Variants in DMD observed in about 807,000 individuals in gnomAD.
DMD encodes the protein dystrophin.
A neutral mutation model predicts 330.1 loss-of-function variants in DMD; 63 were observed. The ratio of observed to expected loss-of-function variants is 0.19; its 90% CI spans 0.16 to 0.24. DMD has a LOEUF of 0.24. Ranked by LOEUF, DMD falls within the 10% of genes least tolerant of loss-of-function variation. The pLI is 1.00. For synonymous variants in DMD, 1,223 were observed against 959.8 expected (o/e 1.27, Z -5.07); for missense variants, 3,344 against 2,684.1 (o/e 1.25, Z -5.43).
intron 44 of DMD, among the ~76,000 whole-genome samples, chrX:32,172,144 T>C (rs2096889906): frequency 8.9e-6 from 1 of 111,998 alleles, no homozygotes; most frequent in South Asian, 3.7e-4. Flanking sequence ...GGGAATTGTA[T>C]GGTTTCAGAA....
At chrX:31,846,373 C>T (rs1288426384) in intron 48 of DMD, among the ~76,000 whole-genome samples, 10 of 106,698 alleles carry the variant, frequency 9.4e-5, no homozygotes, top group Non-Finnish European at 7.7e-5. Context: ...ACAATGGGAG[C>T]AACTATAACA....
In DMD at chrX:31,928,563, G is replaced by A. The variant is rs767696234; in HGVS notation, c.6912+1033C>T. On this transcript the variant is annotated intron_variant, in intron 47 of 78. Coordinates refer to ENST00000357033, the MANE Select transcript of DMD (RefSeq NM_004006.3). ...GGAAGTTGCAGTGAGCCGAGATCGC[G>A]CCACTGCACTCCAGCCTGAGCGACA... 1.0e-4 allele frequency among the ~76,000 whole-genome samples: 11 copies of A among 109,440 alleles called. No homozygotes were observed. The East Asian group carries it at 1.7e-3, about 17-fold the overall frequency.
intron 44 of DMD, among the ~76,000 whole-genome samples, chrX:31,998,330 G>A (rs2095603587): frequency 9.0e-6 from 1 of 111,586 alleles, no homozygotes; most frequent in South Asian, 3.7e-4. Flanking sequence ...TATTTACACT[G>A]CTTTTCATTC....
At chrX:31,298,882 G>T (rs1415863699) in intron 62 of DMD, among the ~76,000 whole-genome samples, 1 of 112,071 alleles carries the variant, frequency 8.9e-6, no homozygotes, top group Non-Finnish European at 1.9e-5. Flanking sequence ...AGACTTAGAG[G>T]TCTAGTACAG....
intron 1 of DMD, among the ~76,000 whole-genome samples, chrX:33,186,038 T>C (rs1290429159): frequency 1.8e-5 from 2 of 111,605 alleles, no homozygotes; most frequent in African/African-American, 6.5e-5. Context: ...TTTGGGGGCG[T>C]GGGGCCAAAC....
intron 30 of DMD, among the ~76,000 whole-genome samples, chrX:32,394,678 T>C (rs1048779060): frequency 9.1e-6 from 1 of 110,066 alleles, no homozygotes; most frequent in Admixed American, 9.8e-5. Flanking sequence ...ATCAAAGTGA[T>C]AAAAGTTCAA....
intron 44 of DMD, among the ~76,000 whole-genome samples, chrX:31,991,477 C>G (rs1214797439): frequency 2.7e-5 from 3 of 110,487 alleles, no homozygotes; most frequent in Non-Finnish European, 3.8e-5. Context: ...AACAGGAAGT[C>G]AATTGTGGGG....
intron 18 of DMD, among the ~76,000 whole-genome samples, chrX:32,513,814 C>T (rs1316786033): frequency 9.0e-6 from 1 of 110,943 alleles, no homozygotes; most frequent in East Asian, 2.8e-4. Context: ...TGAGGATATC[C>T]AGAGAAGAAA....
intron 1 of DMD, among the ~76,000 whole-genome samples, chrX:33,125,591 G>T (rs1309708736): frequency 1.8e-5 from 2 of 111,554 alleles, no homozygotes; most frequent in African/African-American, 6.5e-5. Flanking sequence ...TACAATGAAT[G>T]AACATATAAC....
Position 33,173,460 on chromosome X carries a change from A to G in DMD, c.31+37822T>C, listed in dbSNP as rs949281910. ...TTACACTGTATCGTACCCCAAAAAC[A>G]TACTCAGATTCAAAAGAGAGAGGAA... On this transcript the variant is annotated intron_variant, in intron 1 of 78. Transcript: ENST00000357033. 8.9e-5 allele frequency among the ~76,000 whole-genome samples: 10 copies of G among 111,803 alleles called. No individual in the cohort carries two copies. The East Asian group carries it at 2.5e-3, about 28-fold the overall frequency.
chrX:32,413,353 C>T (rs1351671189), intron 29 of DMD, among the ~76,000 whole-genome samples: 2 of 111,288 alleles, frequency 1.8e-5, no homozygotes, highest in Admixed American at 9.6e-5. Context: ...GTATTTTTTC[C>T]GGTTTCAGCG....
At chrX:32,946,617 T>A (rs935018777) in intron 2 of DMD, among the ~76,000 whole-genome samples, 1 of 112,517 alleles carries the variant, frequency 8.9e-6, no homozygotes, top group Non-Finnish European at 1.9e-5. Context: ...TTTCTAGACA[T>A]TTTATAACAA....
intron 33 of DMD, among the ~76,000 whole-genome samples, chrX:32,381,182 C>T (rs902556167): frequency 1.8e-5 from 2 of 111,483 alleles, no homozygotes; most frequent in Admixed American, 9.6e-5. Flanking sequence ...ACTGTATCCT[C>T]GTTACATCTT....
chrX:32,349,576 T>C lies in DMD; in HGVS notation c.5326-1048A>G, dbSNP rs763665756. ...CTCCAGTCACATTCCCAGGAAGAGG[T>C]TGAATTTTTATTAGATGGCAACTTC... On this transcript the variant is annotated intron_variant, in intron 37 of 78. Coordinates refer to ENST00000357033, the MANE Select transcript of DMD (RefSeq NM_004006.3). 1.3e-3 allele frequency among the ~76,000 whole-genome samples: 141 copies of C among 111,415 alleles called. 2 individuals are homozygous for C. Among genetic ancestry groups the C allele is most frequent in the African/African-American group, 4.4e-3 (135 of 30,830 alleles).
chrX:31,277,060 G>A (rs2052190177), intron 62 of DMD, among the ~76,000 whole-genome samples: 1 of 110,287 alleles, frequency 9.1e-6, no homozygotes, highest in Non-Finnish European at 1.9e-5. Context: ...TTTTTTAATT[G>A]ACAAATAAAA....
chrX:32,416,869 T>C (rs1346095468), intron 29 of DMD, among the ~76,000 whole-genome samples: 1 of 111,657 alleles, frequency 9.0e-6, no homozygotes, highest in Non-Finnish European at 1.9e-5. Context: ...TCAACTTCAG[T>C]GGACCAAGCA....
chrX:32,021,885 G>A (rs1044800432), intron 44 of DMD, among the ~76,000 whole-genome samples: 5 of 111,064 alleles, frequency 4.5e-5, no homozygotes, highest in East Asian at 2.8e-4. Flanking sequence ...CCCTGTAAAC[G>A]TTTATATTGT....
At chrX:32,076,052 C>CAAAAAAAAAAAAAA (rs59686294) in intron 44 of DMD, among the ~76,000 whole-genome samples, 1 of 18,743 alleles carries the variant, frequency 5.3e-5, no homozygotes, top group Non-Finnish European at 9.8e-5. Context: ...GACTCTGTCT[C>CAAAAAAAAAAAAAA]AAAAAAAAAA....
intron 17 of DMD, among the ~76,000 whole-genome samples, chrX:32,523,228 C>A (rs942663907): frequency 6.3e-5 from 7 of 111,180 alleles, no homozygotes; most frequent in African/African-American, 1.6e-4. Flanking sequence ...TGGAAGGCCT[C>A]AAAAGCAGCC....
Sources: allele counts gnomAD v4.1 joint callset (sites outside exome capture counted in the v4.1 genomes callset), GRCh38; gene constraint gnomAD v4.1.1; transcripts MANE v1.5; gene names NCBI Gene and HGNC (gene_info 2026-07-23, HGNC 2026-07-21).